The following RCC1L variants were observed in gnomAD, a reference collection of about 807,000 sequenced individuals.
RCC1L encodes the protein RCC1-like G exchanging factor-like protein.
RCC1L carries 46 observed loss-of-function variants against 58.6 expected under a neutral mutation model. The ratio of observed to expected loss-of-function variants is 0.79; its 90% CI spans 0.62 to 1.00. RCC1L has a LOEUF of 1.00. Among genes scored for constraint, RCC1L ranks in the 50% least tolerant of loss-of-function variants. The probability of loss-of-function intolerance (pLI) is 0.00; values close to 1 mark genes in which losing one functional copy is unlikely to be tolerated. For missense variants in RCC1L, 636 were observed against 623.6 expected, an observed-to-expected ratio of 1.02 and a Z score of -0.21; for synonymous variants, 281 against 262.9, an observed-to-expected ratio of 1.07 and a Z score of -0.67.
At chr7:75,059,422 C>T (rs1806203925) in intron 6 of RCC1L, among the ~76,000 whole-genome samples, 1 of 151,804 alleles carries the variant, frequency 6.6e-6, no homozygotes, top group Non-Finnish European at 1.5e-5. Flanking sequence ...AGGCACGCAC[C>T]ACCACAGCCG....
chr7:75,051,436 C>T (rs1554443381), intron 10 of RCC1L, among the ~76,000 whole-genome samples: 5 of 150,904 alleles, frequency 3.3e-5, no homozygotes, highest in African/African-American at 9.7e-5. Flanking sequence ...TTTTGAGACA[C>T]AGTCTCCCTC....
At chr7:75,045,399 C>T (rs1439093873) in intron 10 of RCC1L, among the ~76,000 whole-genome samples, 2 of 151,204 alleles carry the variant, frequency 1.3e-5, no homozygotes, top group Non-Finnish European at 3.0e-5. Flanking sequence ...AGGCTGGTCT[C>T]GAACTCCTGG....
At chr7:75,062,926 G>C (rs1806322019) in intron 5 of RCC1L, among the ~76,000 whole-genome samples, 1 of 152,160 alleles carries the variant, frequency 6.6e-6, no homozygotes, top group Non-Finnish European at 1.5e-5. Flanking sequence ...AGCCTCCTGA[G>C]TAGCTGGGAT....
At chr7:75,066,639 A>G in intron 3 of RCC1L, 25 bp downstream of exon 3, 1 of 1,608,508 alleles carries the variant, frequency 6.2e-7, no homozygotes, top group Non-Finnish European at 8.5e-7. Flanking sequence ...GCACTCTTCC[A>G]TCACCCTTCA....
intron 10 of RCC1L, among the ~76,000 whole-genome samples, chr7:75,032,800 G>A (rs907050954): frequency 5.3e-5 from 8 of 152,122 alleles, no homozygotes; most frequent in South Asian, 2.1e-4. Flanking sequence ...GGCTGGGTGC[G>A]GTGGCTCACA....
chr7:75,061,377 C>G (rs1703238545), intron 5 of RCC1L, 86 bp from the exon 6 acceptor site: 2 of 1,153,232 alleles, frequency 1.7e-6, no homozygotes, highest in Non-Finnish European at 2.6e-6. Flanking sequence ...GCACCATCGC[C>G]TGCCGCTCCT....
chr7:75,064,722 C>A, intron 3 of RCC1L, 74 bp from the exon 4 acceptor site: 2 of 1,540,112 alleles, frequency 1.3e-6, no homozygotes, highest in South Asian at 2.2e-5. Context: ...TGGAAGGGGT[C>A]TCGCTGGTGG....
intron 9 of RCC1L, 27 bp downstream of exon 9, chr7:75,055,874 C>T (rs782243111): frequency 1.2e-5 from 19 of 1,613,806 alleles, no homozygotes; most frequent in Non-Finnish European, 1.6e-5. Context: ...TGGGCTCACA[C>T]CAGGGCCACC....
chr7:75,047,951 T>TA (rs1165495607), intron 10 of RCC1L, among the ~76,000 whole-genome samples: 38,431 of 72,340 alleles, frequency 0.53, 10,689 homozygotes, highest in East Asian at 0.87. Context: ...GGCCAATAAT[T>TA]AAAAAAAAAA....
At chr7:75,069,105 G>A (rs587599009) in intron 2 of RCC1L, among the ~76,000 whole-genome samples, 1 of 152,266 alleles carries the variant, frequency 6.6e-6, no homozygotes, top group East Asian at 1.9e-4. Context: ...CTGATCTCGT[G>A]ATCCACCCGC....
chr7:75,073,686 C>T lies in RCC1L; in HGVS notation c.52G>A (p.Gly18Arg). 1.3e-6 allele frequency: 2 copies of T among 1,506,482 alleles called. No homozygotes were observed. The highest frequency in any genetic ancestry group is 1.8e-6 in the Non-Finnish European group (2 of 1,133,746). 93.3% of individuals were successfully genotyped at this position (1,506,482 alleles called of 1,614,324 possible). The change falls in exon 1 of 11, where the codon GGG (glycine) becomes AGG (arginine). Residue 18 changes from glycine (G) to arginine (R), a missense_variant. Gly to Arg is a moderately radical substitution (Grantham distance 125). Coordinates refer to ENST00000610322, the MANE Select transcript of RCC1L (RefSeq NM_030798.5). ...CAGTGCCCTCGCCCCAGCCCCGGCC[C>T]GCTCAGCCGCCGCCCCAGCCGAGCC... Reference protein sequence around the residue: ...AGARLGRRLSGPGLGRGHWTA... With the variant: ...AGARLGRRLSRPGLGRGHWTA...
chr7:75,064,448 G>A, intron 4 of RCC1L, 134 bp downstream of exon 4: 2 of 924,166 alleles, frequency 2.2e-6, no homozygotes, highest in Non-Finnish European at 3.5e-6. Flanking sequence ...CACTCCCCCA[G>A]CTTTCTGCTG....
intron 10 of RCC1L, 99 bp downstream of exon 10, chr7:75,052,612 G>T: frequency 1.8e-6 from 2 of 1,135,998 alleles, no homozygotes; most frequent in Non-Finnish European, 2.6e-6. Context: ...CAGGTCCCAT[G>T]GCCCTCGTCC....
At chr7:75,043,424 C>T (rs1487507586) in intron 10 of RCC1L, among the ~76,000 whole-genome samples, 1 of 152,222 alleles carries the variant, frequency 6.6e-6, no homozygotes, top group Non-Finnish European at 1.5e-5. Flanking sequence ...GAGGGCATGT[C>T]GGGCAGGAAC....
intron 10 of RCC1L, among the ~76,000 whole-genome samples, chr7:75,043,425 G>A (rs962114031): frequency 5.3e-5 from 8 of 152,312 alleles, no homozygotes; most frequent in African/African-American, 1.4e-4. Context: ...AGGGCATGTC[G>A]GGCAGGAACA....
chr7:75,061,100 C>G, intron 6 of RCC1L, 107 bp downstream of exon 6: 1 of 923,704 alleles, frequency 1.1e-6, no homozygotes, highest in Admixed American at 1.7e-5. Flanking sequence ...GAGGTAAGAG[C>G]TGAATTAAGG....
At chr7:75,053,741 CA>C (rs1165269515) in intron 9 of RCC1L, among the ~76,000 whole-genome samples, 1 of 152,104 alleles carries the variant, frequency 6.6e-6, no homozygotes, top group Non-Finnish European at 1.5e-5. Flanking sequence ...AGCTGTTGGG[CA>C]AAAGGCTTGG....
Position 75,042,365 on chromosome 7 carries a change from A to G in RCC1L, c.*667T>C. The G allele has an allele frequency of 1.0e-6, 1 of 985,804 alleles. No individual in the cohort carries two copies. The highest frequency in any genetic ancestry group is 1.2e-6 in the Non-Finnish European group (1 of 830,180). 61.1% of individuals were successfully genotyped at this position (985,804 alleles called of 1,614,324 possible). A position where few individuals can be genotyped will look rare whatever the true frequency, so the allele number is the denominator to read the frequency against. The stretch of plus-strand genomic sequence containing the variant: ...TGCTCGGGGCCCTCGGCGCAGAGGA[A>G]CTTGGCCTCGATTCTCTTCCTGAGG... On this transcript the variant is annotated 3_prime_UTR_variant, in exon 11 of 11. Transcript: ENST00000610322.
At chr7:75,033,413 G>A (rs1805359345) in intron 10 of RCC1L, among the ~76,000 whole-genome samples, 1 of 151,928 alleles carries the variant, frequency 6.6e-6, no homozygotes, top group Non-Finnish European at 1.5e-5. Context: ...GAAGTGGGGT[G>A]GGCCAGGTGC....
Sources: allele counts gnomAD v4.1 joint callset (sites outside exome capture counted in the v4.1 genomes callset), GRCh38; gene constraint gnomAD v4.1.1; transcripts MANE v1.5; gene names NCBI Gene and HGNC (gene_info 2026-07-23, HGNC 2026-07-21).